The following ZNF227 variants were observed in gnomAD, a reference collection of about 807,000 sequenced individuals.
The protein encoded by ZNF227 is zinc finger protein 227.
Under a neutral mutation model 13.2 loss-of-function variants are expected in ZNF227, and 12 were observed. The ratio of observed to expected loss-of-function variants is 0.91; its 90% CI spans 0.58 to 1.47. ZNF227 has a LOEUF of 1.47. Among genes scored for constraint, ZNF227 ranks in the 40% most tolerant of loss-of-function variants. ZNF227 has a pLI of 0.00. For synonymous variants in ZNF227, 338 were observed against 326.0 expected (o/e 1.04, Z -0.40); for missense variants, 885 against 967.5 (o/e 0.91, Z 1.13).
At chr19:44,221,066 T>C (rs1972454201) in intron 3 of ZNF227, among the ~76,000 whole-genome samples, 1 of 152,108 alleles carries the variant, frequency 6.6e-6, no homozygotes, top group South Asian at 2.1e-4. Flanking sequence ...TTGTTGGACA[T>C]TTGGGTTGGT....
upstream of ZNF227, chr19:44,212,496 C>G (rs965413479): frequency 1.3e-5 from 2 of 151,884 alleles, no homozygotes; most frequent in African/African-American, 4.8e-5. Context: ...GAGCGCGGGC[C>G]TTCTGGGAAG....
chr19:44,229,868 C>A, intron 5 of ZNF227, 52 bp downstream of exon 5: 2 of 1,316,440 alleles, frequency 1.5e-6, no homozygotes, highest in Non-Finnish European at 2.1e-6. Flanking sequence ...ACTGGTTAGT[C>A]TGCATCTTAC....
chr19:44,224,836 T>C, intron 3 of ZNF227, among the ~76,000 whole-genome samples: 1 of 152,228 alleles, frequency 6.6e-6, no homozygotes, highest in East Asian at 1.9e-4. Context: ...ATTTTGCTCG[T>C]TAGTTGATGC....
Position 44,236,877 on chromosome 19 carries a change from G to T in ZNF227, c.*47G>T. On this transcript the variant is annotated 3_prime_UTR_variant, in exon 6 of 6. Coordinates refer to ENST00000313040, the MANE Select transcript of ZNF227 (RefSeq NM_182490.3). ...CTTTTGTCTGAATGCACATCTTCAA[G>T]TTTTTGGCTAGTCCATGCTGGTGGT... is the stretch of plus-strand genomic sequence containing the variant. 6.7e-7 allele frequency: 1 copy of T among 1,494,684 alleles called. No individual in the cohort carries two copies. Among genetic ancestry groups the T allele is most frequent in the African/African-American group, 1.4e-5 (1 of 71,392 alleles). 92.6% of individuals were successfully genotyped at this position (1,494,684 alleles called of 1,614,324 possible). A position where few individuals can be genotyped will look rare whatever the true frequency, so the allele number is the denominator to read the frequency against.
At chr19:44,214,050 T>C (rs535499567) in intron 2 of ZNF227, among the ~76,000 whole-genome samples, 1 of 152,218 alleles carries the variant, frequency 6.6e-6, no homozygotes, top group African/African-American at 2.4e-5. Flanking sequence ...AGATGGCTCA[T>C]TGATAATTTT....
At chr19:44,210,266 C>A (rs1971308520), upstream of ZNF227, among the ~76,000 whole-genome samples, 1 of 152,094 alleles carries the variant, frequency 6.6e-6, no homozygotes. Context: ...ACCTTCCATC[C>A]ATAATTTATG....
intron 2 of ZNF227, among the ~76,000 whole-genome samples, chr19:44,217,192 G>A (rs1315378385): frequency 6.6e-6 from 1 of 151,880 alleles, no homozygotes. Context: ...TCAAACTTCT[G>A]ACCTTATGTG....
chr19:44,236,405 C>CCATA lies in ZNF227; in HGVS notation c.1978_1981dup (p.Lys661IlefsTer4). 1 of 1,613,972 alleles carries CCATA rather than the reference C, an allele frequency of 6.2e-7. No homozygotes were observed. The highest frequency in any genetic ancestry group is 1.1e-5 in the South Asian group (1 of 91,054). ...TCAGAGAGTCCACACGGGGGAAAAGCCATACAAATGTGATGTGTGTGGAAA... is the reference window on the plus strand; with the variant it reads ...TCAGAGAGTCCACACGGGGGAAAAGCCATACATACAAATGTGATGTGTGTGGAAA... On this transcript the variant is annotated frameshift_variant, in exon 6 of 6. Coordinates refer to ENST00000313040, the MANE Select transcript of ZNF227 (RefSeq NM_182490.3). LOFTEE classifies it low-confidence loss of function (END_TRUNC).
chr19:44,230,629 G>A (rs375991632), intron 5 of ZNF227, among the ~76,000 whole-genome samples: 3 of 151,948 alleles, frequency 2.0e-5, no homozygotes, highest in Non-Finnish European at 4.4e-5. Context: ...TTCCTCAAAT[G>A]TTATATCATT....
At position 44,235,333 on chromosome 19, in the gene ZNF227, A is replaced by G. The variant is rs1257203379; in HGVS notation, c.903A>G (p.Glu301=). 6.2e-7 allele frequency: 1 copy of G among 1,614,050 alleles called. No homozygotes were observed. ...HPGEKLNRCH[E]SGDCFNKSSF... ...GAGAGAAACTCAATAGATGTCATGA[A>G]TCTGGTGATTGCTTCAATAAGAGCT... is the stretch of plus-strand genomic sequence containing the variant. The change falls in exon 6 of 6, where the codon GAA becomes GAG. Residue 301 remains glutamate (E), a synonymous_variant. Transcript: ENST00000313040.
At chr19:44,208,079 T>G (rs571117890), upstream of ZNF227, among the ~76,000 whole-genome samples, 3 of 152,312 alleles carry the variant, frequency 2.0e-5, no homozygotes. Flanking sequence ...GAAAGCTGTC[T>G]TATTACTGAA....
intron 3 of ZNF227, among the ~76,000 whole-genome samples, chr19:44,223,520 C>A (rs1179212743): frequency 6.6e-5 from 10 of 152,278 alleles, no homozygotes; most frequent in Admixed American, 3.9e-4. Flanking sequence ...GGAATTTATC[C>A]ATTTCTTCTA....
chr19:44,234,962 T>C lies in ZNF227; in HGVS notation c.532T>C (p.Cys178Arg), dbSNP rs1974268169. ...EFPFWRTQHSCGNTYLSESQI... is the reference protein window; with the variant it reads ...EFPFWRTQHSRGNTYLSESQI... Reference sequence around the variant, plus strand: ...TCCATTTTGGAGAACCCAGCATTCTTGCGGGAATACATATCTGAGTGAGTC... The same window carrying C: ...TCCATTTTGGAGAACCCAGCATTCTCGCGGGAATACATATCTGAGTGAGTC... Residue 178 changes from cysteine (C) to arginine (R), a missense_variant, in exon 6 of 6, where the codon TGC becomes CGC. Cys to Arg is a radical substitution (Grantham distance 180). Transcript: ENST00000313040. 1 of 1,613,930 alleles carries C rather than the reference T, an allele frequency of 6.2e-7. No individual in the cohort carries two copies. Among genetic ancestry groups the C allele is most frequent in the African/African-American group, 1.3e-5 (1 of 74,920 alleles).
upstream of ZNF227, among the ~76,000 whole-genome samples, chr19:44,212,371 T>TG (rs1413115917): frequency 2.9e-5 from 3 of 101,972 alleles, no homozygotes; most frequent in Admixed American, 1.2e-4. Flanking sequence ...GCTCCGTTTT[T>TG]TTTTTTGTTT....
At chr19:44,216,285 T>C (rs1971874925) in intron 2 of ZNF227, among the ~76,000 whole-genome samples, 1 of 152,004 alleles carries the variant, frequency 6.6e-6, no homozygotes, top group African/African-American at 2.4e-5. Flanking sequence ...AGAATTCAGG[T>C]TGACAGTTTC....
rs775162976 is a variant in ZNF227 at position 44,236,333 on chromosome 19, G to C, written c.1903G>C (p.Gly635Arg). The change falls in exon 6 of 6, where the codon GGT (glycine) becomes CGT (arginine). Residue 635 changes from glycine to arginine, a missense_variant. Transcript: ENST00000313040. ...TACTGGAGAGAAGCCATACAAATGT[G>C]GTGTCTGTGGTAAGGGCTTCAGTCA... ...VHTGEKPYKC[G>R]VCGKGFSQSS... is the part of the protein sequence containing the mutation. 6.2e-7 allele frequency: 1 copy of C among 1,613,704 alleles called. No homozygotes were observed. The highest frequency in any genetic ancestry group is 1.3e-5 in the African/African-American group (1 of 74,884).
Position 44,235,743 on chromosome 19 carries a change from G to A in ZNF227, c.1313G>A (p.Cys438Tyr), listed in dbSNP as rs1347872126. Reference protein sequence around the residue: ...RVHTGEKPYKCDVCGKGFSHN... With the variant: ...RVHTGEKPYKYDVCGKGFSHN... Reference sequence around the variant, plus strand: ...CACACTGGAGAGAAACCCTACAAGTGTGATGTGTGTGGTAAGGGCTTCAGC... The same window carrying A: ...CACACTGGAGAGAAACCCTACAAGTATGATGTGTGTGGTAAGGGCTTCAGC... The change falls in exon 6 of 6, where the codon TGT (cysteine) becomes TAT (tyrosine). Residue 438 changes from cysteine to tyrosine, a missense_variant. Transcript: ENST00000313040. The A allele has an allele frequency of 1.9e-6, 3 of 1,614,094 alleles. No homozygotes were observed. The South Asian group carries it at 3.3e-5, about 18-fold the overall frequency.
intron 4 of ZNF227, 108 bp downstream of exon 4, chr19:44,228,680 A>G: frequency 7.8e-7 from 1 of 1,288,846 alleles, no homozygotes; most frequent in Non-Finnish European, 1.0e-6. Flanking sequence ...GCTCTTGAAG[A>G]CAAAAGGTTT....
Position 44,225,398 on chromosome 19 carries a change from G to A in ZNF227, c.61-3048G>A, listed in dbSNP as rs1973012187. The stretch of plus-strand genomic sequence containing the variant: ...GTTCCATTCTCCCCGTCACTTTCAG[G>A]TACACCAATCAGACGTAGATCTGGT... On this transcript the variant is annotated intron_variant, in intron 3 of 5. Coordinates refer to ENST00000313040, the MANE Select transcript of ZNF227 (RefSeq NM_182490.3). Among the ~76,000 whole-genome samples the A allele has an allele frequency of 2.6e-5, 4 of 152,246 alleles. No individual in the cohort carries two copies. The South Asian group carries it at 8.3e-4, about 32-fold the overall frequency.
Sources: allele counts gnomAD v4.1 joint callset (sites outside exome capture counted in the v4.1 genomes callset), GRCh38; gene constraint gnomAD v4.1.1; transcripts MANE v1.5; gene names NCBI Gene and HGNC (gene_info 2026-07-23, HGNC 2026-07-21).